The following CSMD1 variants were observed in gnomAD, a reference collection of about 807,000 sequenced individuals.
CSMD1 encodes the protein CUB and sushi domain-containing protein 1.
In CSMD1, 213 loss-of-function variants were observed where a neutral mutation model predicts 417.5. That is an observed-to-expected ratio of 0.51 (90% CI 0.46 to 0.57). The LOEUF (loss-of-function observed/expected upper bound fraction) is 0.57. Among genes scored for constraint, CSMD1 ranks in the 20% least tolerant of loss-of-function variants. The pLI is 0.00. For missense variants in CSMD1, 6,923 were observed against 4,529.7 expected, an observed-to-expected ratio of 1.53 and a Z score of -15.17; for synonymous variants, 2,862 against 1,736.8, an observed-to-expected ratio of 1.65 and a Z score of -16.11.
intron 1 of CSMD1, among the ~76,000 whole-genome samples, chr8:4,811,024 G>A (rs1268483128): frequency 1.3e-5 from 2 of 152,186 alleles, no homozygotes; most frequent in Non-Finnish European, 2.9e-5. Flanking sequence ...ATTCCACCCA[G>A]TGAAATGGGC....
chr8:4,932,016 G>A (rs76253291), intron 1 of CSMD1, among the ~76,000 whole-genome samples: 1 of 152,106 alleles, frequency 6.6e-6, no homozygotes, highest in Non-Finnish European at 1.5e-5. Context: ...GATTCACATA[G>A]CTACTAATAA....
intron 2 of CSMD1, among the ~76,000 whole-genome samples, chr8:4,456,195 A>C (rs1428831465): frequency 2.6e-5 from 4 of 151,996 alleles, no homozygotes; most frequent in Non-Finnish European, 5.9e-5. Context: ...AAACTTTATT[A>C]CAGGTTTTTA....
intron 26 of CSMD1, among the ~76,000 whole-genome samples, chr8:3,230,940 T>A (rs756419906): frequency 4.6e-5 from 7 of 152,202 alleles, no homozygotes; most frequent in Non-Finnish European, 7.3e-5. Context: ...CTGGTGCCTG[T>A]GCTTTCAGGG....
chr8:4,546,462 C>A (rs73182979), intron 2 of CSMD1, among the ~76,000 whole-genome samples: 1 of 152,018 alleles, frequency 6.6e-6, no homozygotes, highest in Admixed American at 6.5e-5. Context: ...TCCACGGGCA[C>A]CGACCAACCC....
At chr8:3,838,055 T>G (rs936081182) in intron 5 of CSMD1, among the ~76,000 whole-genome samples, 2 of 152,106 alleles carry the variant, frequency 1.3e-5, no homozygotes, top group African/African-American at 2.4e-5. Context: ...TTAGTGTGAC[T>G]TGGAAACGGT....
rs541061862 is a variant in CSMD1 at position 3,093,809 on chromosome 8, T to C, written c.7139-2147A>G. Among the ~76,000 whole-genome samples, 9 of 152,258 alleles carry C rather than the reference T, an allele frequency of 5.9e-5. No individual in the cohort carries two copies. The East Asian group carries it at 1.7e-3, about 29-fold the overall frequency. On this transcript the variant is annotated intron_variant, in intron 47 of 69. Transcript: ENST00000635120. ...ATTAAATAATCGGGCAATGCTGACTTTGGTCAGAGAGAAGGAGGATGAGAA... is the reference window on the plus strand; with the variant it reads ...ATTAAATAATCGGGCAATGCTGACTCTGGTCAGAGAGAAGGAGGATGAGAA...
rs1489261378 is a variant in CSMD1, at chr8:3,608,125, G to C, written c.1097+8585C>G. ...AGGTGGAGAGGTTGCAGTGAGCCAA[G>C]ATTGTGCCACTGCCCTCCAGCCTGG... On this transcript the variant is annotated intron_variant, in intron 8 of 69. Transcript: ENST00000635120. 2.7e-5 allele frequency among the ~76,000 whole-genome samples: 4 copies of C among 145,938 alleles called. No homozygotes were observed. In the East Asian group the frequency reaches 6.0e-4, roughly 22 times the overall value.
intron 1 of CSMD1, among the ~76,000 whole-genome samples, chr8:4,928,999 C>T (rs184645821): frequency 2.5e-4 from 38 of 152,064 alleles, no homozygotes; most frequent in African/African-American, 6.7e-4. Flanking sequence ...TGAACCCGGG[C>T]GGCAGAGGTT....
intron 8 of CSMD1, among the ~76,000 whole-genome samples, chr8:3,587,311 G>A (rs1384093167): frequency 1.3e-5 from 2 of 152,180 alleles, no homozygotes; most frequent in African/African-American, 2.4e-5. Flanking sequence ...CTGGCTTCTG[G>A]CATTGAATTA....
chr8:3,988,666 T>C (rs1044586669), intron 5 of CSMD1, among the ~76,000 whole-genome samples: 2 of 152,356 alleles, frequency 1.3e-5, no homozygotes, highest in Non-Finnish European at 2.9e-5. Flanking sequence ...TCCACTGTTA[T>C]CACATTTCAT....
chr8:3,225,575 T>C (rs1423593452), intron 27 of CSMD1, among the ~76,000 whole-genome samples: 4 of 152,186 alleles, frequency 2.6e-5, no homozygotes, highest in South Asian at 2.1e-4. Flanking sequence ...AAGATTCTAC[T>C]GCACACAGGT....
At chr8:4,752,349 T>C (rs1404428583) in intron 1 of CSMD1, among the ~76,000 whole-genome samples, 1 of 152,230 alleles carries the variant, frequency 6.6e-6, no homozygotes, top group East Asian at 1.9e-4. Flanking sequence ...TGAGCAATCT[T>C]TTTTATTCTC....
At chr8:3,657,925 T>A (rs935145457) in intron 7 of CSMD1, among the ~76,000 whole-genome samples, 1 of 152,178 alleles carries the variant, frequency 6.6e-6, no homozygotes, top group African/African-American at 2.4e-5. Flanking sequence ...TTTTTCCTTT[T>A]TCTGATGGGG....
At chr8:3,033,192 C>A (rs1407884867) in intron 50 of CSMD1, among the ~76,000 whole-genome samples, 2 of 152,028 alleles carry the variant, frequency 1.3e-5, no homozygotes, top group Non-Finnish European at 2.9e-5. Context: ...TTTTAAATTT[C>A]CTGTGACCAC....
In CSMD1 at chr8:4,891,915, TG is replaced by T. The variant is rs1229624951; in HGVS notation, c.85+102416del. On this transcript the variant is annotated intron_variant, in intron 1 of 69. Coordinates refer to ENST00000635120, the MANE Select transcript of CSMD1 (RefSeq NM_033225.6). ...GATTCTATTTTAGCAAACAAACAGATGGTAGGTTATCAACAATAAAAGAAAA... is the reference window on the plus strand; with the variant it reads ...GATTCTATTTTAGCAAACAAACAGATGTAGGTTATCAACAATAAAAGAAAA... Among the ~76,000 whole-genome samples, 3 of 152,078 alleles carry T rather than the reference TG, an allele frequency of 2.0e-5. No homozygotes were observed. The East Asian group carries it at 5.8e-4, about 29-fold the overall frequency.
chr8:4,168,006 G>A (rs1354638265), intron 3 of CSMD1, among the ~76,000 whole-genome samples: 2 of 151,970 alleles, frequency 1.3e-5, no homozygotes, highest in Admixed American at 6.6e-5. Flanking sequence ...GCAGACTCCT[G>A]TAATCCCAGC....
At chr8:4,401,904 T>C (rs1804669812) in intron 3 of CSMD1, among the ~76,000 whole-genome samples, 1 of 152,130 alleles carries the variant, frequency 6.6e-6, no homozygotes, top group East Asian at 1.9e-4. Flanking sequence ...TACTCACATG[T>C]AGATCCTCTT....
At chr8:3,770,685 C>G (rs1198250799) in intron 5 of CSMD1, among the ~76,000 whole-genome samples, 1 of 152,080 alleles carries the variant, frequency 6.6e-6, no homozygotes, top group African/African-American at 2.4e-5. Context: ...GCCCCAACAC[C>G]TTGTGATCTA....
chr8:3,781,404 G>C (rs934022210), intron 5 of CSMD1, among the ~76,000 whole-genome samples: 1 of 152,146 alleles, frequency 6.6e-6, no homozygotes, highest in African/African-American at 2.4e-5. Context: ...TGTGCTGTGA[G>C]GCCAGGTGGA....
Sources: gnomAD v4.1 joint callset for allele counts (sites outside exome capture counted in the v4.1 genomes callset) on GRCh38, gnomAD v4.1.1 for gene constraint, MANE v1.5 for transcripts, NCBI Gene and HGNC (gene_info 2026-07-23, HGNC 2026-07-21) for gene names.